Variants in BCKDHB observed in about 807,000 individuals in gnomAD.
BCKDHB encodes branched chain keto acid dehydrogenase E1 subunit beta.
In BCKDHB, 41 loss-of-function variants were observed where a neutral mutation model predicts 48.5. The observed-to-expected ratio is 0.85, with a 90% CI of 0.66 to 1.10. The LOEUF is 1.10. BCKDHB is among the 50% of genes least tolerant of loss of function. The pLI is 0.00. For synonymous variants in BCKDHB, 201 were observed against 174.8 expected, an observed-to-expected ratio of 1.15 and a Z score of -1.18; for missense variants, 496 against 494.2, an observed-to-expected ratio of 1.00 and a Z score of -0.03.
chr6:80,411,519 G>A, the BCKDHB span, among the ~76,000 whole-genome samples: 3 of 152,254 alleles, frequency 2.0e-5, no homozygotes, highest in Non-Finnish European at 2.9e-5. Flanking sequence ...GGACGTTAAA[G>A]TCTGCAGAAG....
chr6:80,407,240 G>A, the BCKDHB span, among the ~76,000 whole-genome samples: 2 of 152,144 alleles, frequency 1.3e-5, no homozygotes, highest in African/African-American at 4.8e-5. Context: ...ACAATACCAT[G>A]CTGTTTTGGT....
the BCKDHB span, among the ~76,000 whole-genome samples, chr6:80,416,006 G>A: frequency 2.9e-3 from 440 of 151,780 alleles, 3 homozygotes; most frequent in Middle Eastern, 0.014. Context: ...TTGGGAGGGT[G>A]TATTTCTTCA....
chr6:80,406,634 G>T, the BCKDHB span, among the ~76,000 whole-genome samples: 1 of 152,108 alleles, frequency 6.6e-6, no homozygotes, highest in African/African-American at 2.4e-5. Context: ...TCATGTGTCT[G>T]TTGGCTGCAT....
Position 80,344,033 on chromosome 6 carries a change from C to T in BCKDHB, c.*229C>T, listed in dbSNP as rs1359369190. The T allele has an allele frequency of 3.7e-6, 2 of 546,666 alleles. No individual in the cohort carries two copies. Among genetic ancestry groups the T allele is most frequent in the Non-Finnish European group, 6.5e-6 (2 of 306,020 alleles). 33.9% of individuals were successfully genotyped at this position (546,666 alleles called of 1,614,324 possible). Reference sequence around the variant, plus strand: ...GTTGTTGTTCTGAGATGGAGTCTCACTCTGTCGCCCAGGCTAGACTGCAGT... The same window carrying T: ...GTTGTTGTTCTGAGATGGAGTCTCATTCTGTCGCCCAGGCTAGACTGCAGT... On this transcript the variant is annotated 3_prime_UTR_variant, in exon 10 of 10. Transcript: ENST00000320393.
At chr6:80,412,760 T>C in the BCKDHB span, among the ~76,000 whole-genome samples, 1 of 152,210 alleles carries the variant, frequency 6.6e-6, no homozygotes, top group Non-Finnish European at 1.5e-5. Context: ...TTATTTCTTC[T>C]TAATTTCTGA....
At chr6:80,400,981 A>G in the BCKDHB span, among the ~76,000 whole-genome samples, 1 of 147,104 alleles carries the variant, frequency 6.8e-6, no homozygotes, top group Non-Finnish European at 1.5e-5. Flanking sequence ...TCCACATACC[A>G]TATGTTCTCA....
chr6:80,158,364 T>C (rs1356471599), intron 3 of BCKDHB, among the ~76,000 whole-genome samples: 1 of 152,192 alleles, frequency 6.6e-6, no homozygotes, highest in East Asian at 1.9e-4. Context: ...TTCAGAATAA[T>C]AGGGTAGAAT....
At chr6:80,251,319 A>C (rs1211107671) in intron 8 of BCKDHB, among the ~76,000 whole-genome samples, 1 of 152,208 alleles carries the variant, frequency 6.6e-6, no homozygotes, top group East Asian at 1.9e-4. Context: ...TTTGCTCTCC[A>C]TGCAAATGGA....
At chr6:80,453,311 C>G in the BCKDHB span, 1 of 152,102 alleles carries the variant, frequency 6.6e-6, no homozygotes, top group African/African-American at 2.4e-5. Context: ...TGCTACATGT[C>G]ACTTCTCACA....
At chr6:80,404,285 T>C in the BCKDHB span, among the ~76,000 whole-genome samples, 172 of 152,116 alleles carry the variant, frequency 1.1e-3, no homozygotes, top group Non-Finnish European at 2.0e-3. Context: ...GTTTTCTATT[T>C]CTTCATAGTT....
chr6:80,295,088 A>T (rs909934594), intron 9 of BCKDHB, among the ~76,000 whole-genome samples: 1 of 152,196 alleles, frequency 6.6e-6, no homozygotes, highest in African/African-American at 2.4e-5. Context: ...CCAGCAGCCC[A>T]GCTGTAAAAT....
chr6:80,128,292 A>G (rs1253567925), intron 2 of BCKDHB, among the ~76,000 whole-genome samples: 3 of 152,106 alleles, frequency 2.0e-5, no homozygotes, highest in African/African-American at 7.2e-5. Flanking sequence ...GTTATTTTTT[A>G]GGGAGAAGTG....
chr6:80,278,590 C>A (rs576060539), intron 9 of BCKDHB, among the ~76,000 whole-genome samples: 2 of 152,158 alleles, frequency 1.3e-5, no homozygotes, highest in South Asian at 2.1e-4. Context: ...GAGGGAGTCT[C>A]GCTCTGTCGC....
intron 9 of BCKDHB, among the ~76,000 whole-genome samples, chr6:80,319,964 A>G (rs1768634454): frequency 1.3e-5 from 2 of 152,216 alleles, no homozygotes; most frequent in Non-Finnish European, 2.9e-5. Context: ...ATGTTACCTA[A>G]TGTAAATACT....
At chr6:80,386,653 T>TA in the BCKDHB span, among the ~76,000 whole-genome samples, 4 of 152,196 alleles carry the variant, frequency 2.6e-5, no homozygotes, top group Admixed American at 6.5e-5. Flanking sequence ...TGGGCATAGC[T>TA]ACTGTGATTG....
At chr6:80,298,138 A>G (rs1767354666) in intron 9 of BCKDHB, among the ~76,000 whole-genome samples, 1 of 152,010 alleles carries the variant, frequency 6.6e-6, no homozygotes, top group Non-Finnish European at 1.5e-5. Context: ...TCCTAGACAG[A>G]GTCTCACTCT....
At chr6:80,450,362 G>A in the BCKDHB span, among the ~76,000 whole-genome samples, 1 of 152,010 alleles carries the variant, frequency 6.6e-6, no homozygotes, top group Non-Finnish European at 1.5e-5. Flanking sequence ...ATTTAATGGG[G>A]GTTTATGAAC....
chr6:80,201,690 C>T (rs1411247321), intron 7 of BCKDHB, among the ~76,000 whole-genome samples: 2 of 152,040 alleles, frequency 1.3e-5, no homozygotes, highest in African/African-American at 2.4e-5. Flanking sequence ...TCCAGTGACC[C>T]TCTCTGCTGA....
chr6:80,136,178 C>G (rs1369452108), intron 3 of BCKDHB, among the ~76,000 whole-genome samples: 1 of 152,010 alleles, frequency 6.6e-6, no homozygotes, highest in African/African-American at 2.4e-5. Context: ...TTCAGAAGAA[C>G]AAAGTTGGAG....
Sources: allele counts gnomAD v4.1 joint callset (sites outside exome capture counted in the v4.1 genomes callset), GRCh38; gene constraint gnomAD v4.1.1; transcripts MANE v1.5; gene names NCBI Gene and HGNC (gene_info 2026-07-23, HGNC 2026-07-21).